The following MAGI3 variants were observed in gnomAD, a reference collection of about 807,000 sequenced individuals.
MAGI3 encodes the protein membrane-associated guanylate kinase, WW and PDZ domain-containing protein 3.
In MAGI3, 43 loss-of-function variants were observed where a neutral mutation model predicts 121.8. That is an observed-to-expected ratio of 0.35 (90% CI 0.28 to 0.46). MAGI3 has a LOEUF of 0.46. Among genes scored for constraint, MAGI3 ranks in the 20% least tolerant of loss-of-function variants. The pLI is 1.00. For missense variants in MAGI3, 1,547 were observed against 1,797.3 expected (o/e 0.86, Z 2.52); for synonymous variants, 553 against 639.3 (o/e 0.86, Z 2.04).
intron 1 of MAGI3, among the ~76,000 whole-genome samples, chr1:113,446,554 C>T (rs1034575320): frequency 3.3e-5 from 5 of 152,004 alleles, no homozygotes; most frequent in Non-Finnish European, 5.9e-5. Flanking sequence ...AACTTAAATG[C>T]GTTAAACTCT....
intron 1 of MAGI3, among the ~76,000 whole-genome samples, chr1:113,412,508 A>G (rs960073129): frequency 1.3e-5 from 2 of 152,094 alleles, no homozygotes; most frequent in Admixed American, 1.3e-4. Context: ...AAGTGTTCCT[A>G]TTTATCCACA....
chr1:113,523,022 G>T (rs1218150315), intron 1 of MAGI3, among the ~76,000 whole-genome samples: 6 of 152,146 alleles, frequency 3.9e-5, no homozygotes, highest in Non-Finnish European at 8.8e-5. Flanking sequence ...TGAATCATGG[G>T]AGTGGTTCTT....
chr1:113,662,364 T>C (rs927600475), intron 16 of MAGI3, among the ~76,000 whole-genome samples: 2 of 152,232 alleles, frequency 1.3e-5, no homozygotes, highest in Admixed American at 6.5e-5. Context: ...CGCCTCTTCC[T>C]CTGCCATGGT....
At chr1:113,632,542 A>T (rs898271318) in intron 9 of MAGI3, among the ~76,000 whole-genome samples, 1 of 152,212 alleles carries the variant, frequency 6.6e-6, no homozygotes, top group Admixed American at 6.5e-5. Flanking sequence ...TTAAGTCAAG[A>T]CTGTATTAAA....
Position 113,649,286 on chromosome 1 carries a change from G to T in MAGI3, c.2205G>T (p.Gly735=). The T allele has an allele frequency of 1.2e-6, 2 of 1,613,598 alleles. No individual in the cohort carries two copies. Among genetic ancestry groups the T allele is most frequent in the Non-Finnish European group, 8.5e-7 (1 of 1,179,796 alleles). The part of the protein sequence containing the change: ...LDVFLRKQES[G]FGFRVLGGDG... ...TTTTTCTTCGAAAACAAGAGTCAGG[G>T]TTTGGCTTCAGGGTGCTAGGAGGAG... Residue 735 remains glycine, a synonymous_variant, in exon 13 of 21, where the codon GGG becomes GGT. Coordinates refer to ENST00000307546, the MANE Select transcript of MAGI3 (RefSeq NM_001142782.2).
At chr1:113,412,803 A>G (rs1652072217) in intron 1 of MAGI3, among the ~76,000 whole-genome samples, 2 of 152,104 alleles carry the variant, frequency 1.3e-5, no homozygotes, top group African/African-American at 2.4e-5. Flanking sequence ...GTAGATTGCA[A>G]AAATTTTCTC....
At chr1:113,457,900 C>T (rs1293883537) in intron 1 of MAGI3, among the ~76,000 whole-genome samples, 3 of 152,114 alleles carry the variant, frequency 2.0e-5, no homozygotes, top group African/African-American at 7.2e-5. Context: ...GTTCTAAGAG[C>T]ATTTCCCAGC....
intron 1 of MAGI3, among the ~76,000 whole-genome samples, chr1:113,493,146 C>G (rs1656748167): frequency 6.6e-6 from 1 of 152,120 alleles, no homozygotes; most frequent in Admixed American, 6.6e-5. Context: ...AACCGTACTA[C>G]AGGGCTACAG....
In MAGI3 at chr1:113,683,873, TG is replaced by T; in HGVS notation, c.4306del (p.Asp1436ThrfsTer21). ...DHKGKELEAA[D>X]KNKETGRFKP... is the part of the protein sequence containing the mutation. ...ACAAAGGGAAAGAACTAGAGGCAGC[TG>T]ACAAAAACAAAGAGACTGGAAGGTT... On this transcript the variant is annotated frameshift_variant, in exon 21 of 21. Transcript: ENST00000307546. LOFTEE classifies it low-confidence loss of function (END_TRUNC). 1 of 1,612,638 alleles carries T rather than the reference TG, an allele frequency of 6.2e-7. No homozygotes were observed. Among genetic ancestry groups the T allele is most frequent in the East Asian group, 2.2e-5 (1 of 44,840 alleles).
rs566768989 is a variant in MAGI3, at chr1:113,411,997, A to G, written c.316+20648A>G. Among the ~76,000 whole-genome samples, 6 of 150,246 alleles carry G rather than the reference A, an allele frequency of 4.0e-5. No individual in the cohort carries two copies. The South Asian group carries it at 1.3e-3, about 32-fold the overall frequency. Reference sequence around the variant, plus strand: ...CCATCAACTCGTATTTACATTAGGTATTTCTCCTAATGCTATCCCTCTCCC... The same window carrying G: ...CCATCAACTCGTATTTACATTAGGTGTTTCTCCTAATGCTATCCCTCTCCC... On this transcript the variant is annotated intron_variant, in intron 1 of 20. Coordinates refer to ENST00000307546, the MANE Select transcript of MAGI3 (RefSeq NM_001142782.2).
At chr1:113,402,547 C>CT (rs1420484472) in intron 1 of MAGI3, among the ~76,000 whole-genome samples, 1 of 152,090 alleles carries the variant, frequency 6.6e-6, no homozygotes, top group Non-Finnish European at 1.5e-5. Context: ...TGGTAGACTG[C>CT]TAACACTGTT....
At chr1:113,515,811 T>A (rs1657869053) in intron 1 of MAGI3, among the ~76,000 whole-genome samples, 1 of 152,114 alleles carries the variant, frequency 6.6e-6, no homozygotes, top group Non-Finnish European at 1.5e-5. Context: ...ACAGTATATG[T>A]AGTGACTGTG....
At chr1:113,476,937 T>G (rs1359956197) in intron 1 of MAGI3, among the ~76,000 whole-genome samples, 2 of 152,270 alleles carry the variant, frequency 1.3e-5, no homozygotes, top group South Asian at 2.1e-4. Flanking sequence ...TTTAGGATAG[T>G]TTGCTCTTCT....
intron 6 of MAGI3, among the ~76,000 whole-genome samples, chr1:113,602,623 A>G (rs909391111): frequency 3.3e-5 from 5 of 152,178 alleles, no homozygotes; most frequent in African/African-American, 4.8e-5. Context: ...GCAGAATTAA[A>G]TGAAATTAAA....
chr1:113,663,976 T>G (rs775705886), intron 16 of MAGI3, among the ~76,000 whole-genome samples: 3 of 152,238 alleles, frequency 2.0e-5, no homozygotes, highest in Admixed American at 1.3e-4. Context: ...CTTTTTCATG[T>G]GCTTATTGAC....
At chr1:113,571,785 GT>G (rs1409921338) in intron 2 of MAGI3, among the ~76,000 whole-genome samples, 2 of 152,190 alleles carry the variant, frequency 1.3e-5, no homozygotes, top group East Asian at 1.9e-4. Flanking sequence ...AGCTTAAGGA[GT>G]TTTTGGGCTG....
chr1:113,606,705 ACCCGT>A (rs1649796041), intron 6 of MAGI3, among the ~76,000 whole-genome samples: 2 of 151,970 alleles, frequency 1.3e-5, no homozygotes, highest in African/African-American at 4.8e-5. Context: ...TCCTAATACA[ACCCGT>A]CCCTCTTTCT....
intron 1 of MAGI3, among the ~76,000 whole-genome samples, chr1:113,448,353 C>T (rs981422263): frequency 2.6e-5 from 4 of 152,122 alleles, no homozygotes; most frequent in African/African-American, 9.7e-5. Context: ...AATAAAGATC[C>T]TTTCTTCACT....
At chr1:113,399,264 A>G (rs1319708909) in intron 1 of MAGI3, among the ~76,000 whole-genome samples, 2 of 152,076 alleles carry the variant, frequency 1.3e-5, no homozygotes, top group Non-Finnish European at 2.9e-5. Flanking sequence ...TGGACCAATT[A>G]TTGTAGAGAG....
Sources: gnomAD v4.1 joint callset for allele counts (sites outside exome capture counted in the v4.1 genomes callset) on GRCh38, gnomAD v4.1.1 for gene constraint, MANE v1.5 for transcripts, NCBI Gene and HGNC (gene_info 2026-07-23, HGNC 2026-07-21) for gene names.